The following ATP1A3 variants were observed in gnomAD, a reference collection of about 807,000 sequenced individuals.
ATP1A3 encodes the protein sodium/potassium-transporting ATPase subunit alpha-3.
ATP1A3 carries 12 observed loss-of-function variants against 108.8 expected under a neutral mutation model. That is an observed-to-expected ratio of 0.11 (90% confidence interval 0.07 to 0.18). The LOEUF (loss-of-function observed/expected upper bound fraction) is 0.18, where lower values mean the gene tolerates loss of function less well. Among genes scored for constraint, ATP1A3 ranks in the 10% least tolerant of loss-of-function variants. The pLI is 1.00. For missense variants in ATP1A3, 498 were observed against 1,387.7 expected, an observed-to-expected ratio of 0.36 and a Z score of 10.19; for synonymous variants, 539 against 564.5, an observed-to-expected ratio of 0.95 and a Z score of 0.64.
rs1555868245 is a variant in ATP1A3 at position 41,994,111 on chromosome 19, G to A, written c.-35C>T. 6 of 1,569,380 alleles carry A rather than the reference G, an allele frequency of 3.8e-6. No individual in the cohort carries two copies. Among genetic ancestry groups the A allele is most frequent in the Non-Finnish European group, 5.2e-6 (6 of 1,162,466 alleles). On this transcript the variant is annotated 5_prime_UTR_variant, in exon 1 of 23. Transcript: ENST00000648268. ...TCCGCGGCGAGAGAGCCAGGCGGGC[G>A]GGGCGGGGACCTCGGGGCGGGCTCA...
At position 41,988,503 on chromosome 19, in the gene ATP1A3, C is replaced by T; in HGVS notation, c.66G>A (p.Leu22=). The T allele has an allele frequency of 6.2e-7, 1 of 1,614,196 alleles. No homozygotes were observed. Residue 22 remains leucine, a synonymous_variant, in exon 2 of 23, where the codon CTG becomes CTA. Coordinates refer to ENST00000648268, the MANE Select transcript of ATP1A3 (RefSeq NM_152296.5). This position sits in a 1 kb window ranked among gnomAD's most constrained non-coding sequence, Gnocchi z 5.3. The part of the protein sequence containing the change: ...KKNKGKERRD[L]DDLKKEVAMT... ...TAGCCACCTCCTTCTTGAGGTCATC[C>T]AGGTCCCGGCGCTCCTTGCCCTTGT...
In ATP1A3 at chr19:41,967,603, A is replaced by G; in HGVS notation, c.2921+59T>C. The G allele has an allele frequency of 6.4e-7, 1 of 1,569,290 alleles. No individual in the cohort carries two copies. Among genetic ancestry groups the G allele is most frequent in the South Asian group, 1.1e-5 (1 of 89,104 alleles). On this transcript the variant is annotated intron_variant, in intron 21 of 22. Transcript: ENST00000648268. This position sits in a 1 kb window ranked among gnomAD's most constrained non-coding sequence, Gnocchi z 4.2. ...GGGCCTGAGGTTCAGGCTGAGTCTA[A>G]GGGAAGGCTCCATGGCAGGCGCTGG...
rs8101020 is a variant in ATP1A3 at position 41,967,889 on chromosome 19, G to A, written c.2820-126C>T. ...GCAGCACAGACACAGAGACAGAGAG[G>A]CAGAGACATAGGGAGAGACAGAGAT... On this transcript the variant is annotated intron_variant, in intron 20 of 22. Coordinates refer to ENST00000648268, the MANE Select transcript of ATP1A3 (RefSeq NM_152296.5). This position sits in a 1 kb window ranked among gnomAD's most constrained non-coding sequence, Gnocchi z 4.2. 4.9e-6 allele frequency: 4 copies of A among 809,480 alleles called. No homozygotes were observed. Among genetic ancestry groups the A allele is most frequent in the Non-Finnish European group, 8.5e-6 (4 of 471,678 alleles). The allele number at this position is 809,480 out of a possible 1,614,324, so 50.1% of individuals were successfully genotyped here.
At chr19:41,983,673 A>G (rs921677713) in intron 8 of ATP1A3, among the ~76,000 whole-genome samples, 3 of 148,256 alleles carry the variant, frequency 2.0e-5, no homozygotes, top group African/African-American at 4.9e-5. Context: ...CAGTGGTTCA[A>G]TCATGGCCCA....
At chr19:41,984,488 G>A in intron 8 of ATP1A3, 1 of 180,964 alleles carries the variant, frequency 5.5e-6, no homozygotes, top group Admixed American at 5.4e-5. Flanking sequence ...GCCCCCCAAA[G>A]TGCTGGGATT....
intron 8 of ATP1A3, among the ~76,000 whole-genome samples, chr19:41,984,036 A>G (rs1555864409): frequency 6.6e-6 from 1 of 151,866 alleles, no homozygotes; most frequent in Non-Finnish European, 1.5e-5. Context: ...CGGCCTCCCA[A>G]AGTCTTGGGA....
intron 1 of ATP1A3, chr19:41,993,791 G>A (rs1254298900): frequency 9.6e-6 from 6 of 625,284 alleles, no homozygotes; most frequent in Non-Finnish European, 1.7e-5. Context: ...ACATGCAACT[G>A]TGCACATGCA....
intron 1 of ATP1A3, among the ~76,000 whole-genome samples, chr19:41,989,113 A>G (rs1380147782): frequency 7.0e-6 from 1 of 142,012 alleles, no homozygotes; most frequent in East Asian, 2.2e-4. Flanking sequence ...CTAATTTTTA[A>G]TTTTTTTCTA....
chr19:41,991,218 A>C (rs2075335081), intron 1 of ATP1A3, among the ~76,000 whole-genome samples: 1 of 152,226 alleles, frequency 6.6e-6, no homozygotes, highest in Non-Finnish European at 1.5e-5. Context: ...AGCGCGGCTC[A>C]GCGCTAATCT....
rs976313561 is a variant in ATP1A3, at chr19:41,969,017, T to C, written c.2689-102A>G. On this transcript the variant is annotated intron_variant, in intron 19 of 22. Coordinates refer to ENST00000648268, the MANE Select transcript of ATP1A3 (RefSeq NM_152296.5). ...GCTCTTTGCCCCGCCCCATCCTGCA[T>C]GGGGTCCTCAGGGCCTCAGGTGTGT... 5 of 1,568,516 alleles carry C rather than the reference T, an allele frequency of 3.2e-6. No individual in the cohort carries two copies. The African/African-American group carries it at 6.8e-5, about 21-fold the overall frequency.
At position 41,970,278 on chromosome 19, in the gene ATP1A3, C is replaced by T. The variant is rs782700046; in HGVS notation, c.2449G>A (p.Ala817Thr). 2 of 1,614,188 alleles carry T rather than the reference C, an allele frequency of 1.2e-6. No homozygotes were observed. Among genetic ancestry groups the T allele is most frequent in the Non-Finnish European group, 1.7e-6 (2 of 1,180,038 alleles). ...TGTCTCTTCATGATGTCGCTTTCGG[C>T]AGCCTCGTACGCCAGTGAGATGGCA... ...VPAISLAYEA[A>T]ESDIMKRQPR... The change falls in exon 18 of 23, where the codon GCC (alanine) becomes ACC (threonine). Residue 817 changes from alanine to threonine, a missense_variant. Ala to Thr is a moderately conservative substitution (Grantham distance 58). Transcript: ENST00000648268.
intron 1 of ATP1A3, among the ~76,000 whole-genome samples, chr19:41,991,451 C>T (rs1328331483): frequency 6.6e-6 from 1 of 152,198 alleles, no homozygotes; most frequent in Non-Finnish European, 1.5e-5. Flanking sequence ...GGGAGACCAT[C>T]TTTCCTACTG....
In ATP1A3 at chr19:41,981,446, C is replaced by T. The variant is rs1343275856; in HGVS notation, c.1437+56G>A. 4.3e-6 allele frequency: 7 copies of T among 1,612,226 alleles called. No homozygotes were observed. In the African/African-American group the frequency reaches 6.7e-5, roughly 15 times the overall value. ...ATCAAGGCTCTATGACACCTCTTTACAGGCGTCATAAGGAACCTGAGGTCC... is the reference window on the plus strand; with the variant it reads ...ATCAAGGCTCTATGACACCTCTTTATAGGCGTCATAAGGAACCTGAGGTCC... On this transcript the variant is annotated intron_variant, in intron 11 of 22. Transcript: ENST00000648268. The surrounding 1 kb of genome is among the most constrained non-coding windows in gnomAD (Gnocchi z 5.0).
At chr19:41,991,213 G>A (rs1050340395) in intron 1 of ATP1A3, among the ~76,000 whole-genome samples, 20 of 152,314 alleles carry the variant, frequency 1.3e-4, no homozygotes, top group African/African-American at 4.3e-4. Context: ...GGCTCAGCGC[G>A]GCTCAGCGCT....
In ATP1A3 at chr19:41,978,144, G is replaced by C. The variant is rs1555862078; in HGVS notation, c.1806+7C>G. 6.2e-7 allele frequency: 1 copy of C among 1,614,186 alleles called. No individual in the cohort carries two copies. The highest frequency in any genetic ancestry group is 2.2e-5 in the East Asian group (1 of 44,880). Reference sequence around the variant, plus strand: ...GCTTTGCCTCCCCCAGCCACCCCAAGCCACACCTTGATGCCTGCGCTGCGA... The same window carrying C: ...GCTTTGCCTCCCCCAGCCACCCCAACCCACACCTTGATGCCTGCGCTGCGA... On this transcript the variant is annotated splice_region_variant and intron_variant, in intron 13 of 22. Coordinates refer to ENST00000648268, the MANE Select transcript of ATP1A3 (RefSeq NM_152296.5). This position sits in a 1 kb window ranked among gnomAD's most constrained non-coding sequence, Gnocchi z 8.3.
intron 4 of ATP1A3, 110 bp downstream of exon 4, chr19:41,987,826 A>G (rs2075300556): frequency 1.5e-6 from 2 of 1,367,156 alleles, no homozygotes; most frequent in Non-Finnish European, 1.0e-6. Flanking sequence ...TAGATGGGAA[A>G]AAGGGGGAGA....
chr19:41,976,802 A>T (rs781893266), intron 14 of ATP1A3, among the ~76,000 whole-genome samples: 21 of 151,504 alleles, frequency 1.4e-4, no homozygotes, highest in East Asian at 3.9e-4. Context: ...TTATTTATTT[A>T]TTATTTATTT....
chr19:41,972,545 T>C (rs1413667616), intron 16 of ATP1A3, among the ~76,000 whole-genome samples: 1 of 151,754 alleles, frequency 6.6e-6, no homozygotes, highest in Non-Finnish European at 1.5e-5. Flanking sequence ...GGCGGGTGGA[T>C]CACGAGGTCA....
At chr19:41,969,360 T>C in intron 19 of ATP1A3, 75 bp downstream of exon 19, 1 of 1,606,996 alleles carries the variant, frequency 6.2e-7, no homozygotes, top group African/African-American at 1.3e-5. Flanking sequence ...TCGTAGGAAG[T>C]GGCCATGCAT....
Sources: gnomAD v4.1 joint callset for allele counts (sites outside exome capture counted in the v4.1 genomes callset) on GRCh38, gnomAD v4.1.1 for gene constraint, Gnocchi (gnomAD v3.1) non-coding constraint, MANE v1.5 for transcripts, NCBI Gene and HGNC (gene_info 2026-07-23, HGNC 2026-07-21) for gene names.